The following PTPRN2 variants were observed in gnomAD, a reference collection of about 807,000 sequenced individuals.
The protein encoded by PTPRN2 is protein tyrosine phosphatase receptor type N2.
In PTPRN2, 74 loss-of-function variants were observed where a neutral mutation model predicts 118.8. The observed-to-expected ratio is 0.62, with a 90% confidence interval of 0.52 to 0.76. The LOEUF (loss-of-function observed/expected upper bound fraction) is 0.76, where lower values mean the gene tolerates loss of function less well. Among genes scored for constraint, PTPRN2 ranks in the 30% least tolerant of loss-of-function variants. The pLI is 0.00. For missense variants in PTPRN2, 1,481 were observed against 1,394.4 expected, an observed-to-expected ratio of 1.06 and a Z score of -0.99; for synonymous variants, 641 against 608.0, an observed-to-expected ratio of 1.05 and a Z score of -0.80.
chr7:158,171,292 C>CATATAT (rs1296901676), intron 5 of PTPRN2, among the ~76,000 whole-genome samples: 1 of 74,902 alleles, frequency 1.3e-5, no homozygotes, highest in Non-Finnish European at 2.4e-5. Flanking sequence ...TATATATACA[C>CATATAT]ACATATATAT....
chr7:158,408,863 C>T (rs1168129707), intron 2 of PTPRN2, among the ~76,000 whole-genome samples: 1 of 151,430 alleles, frequency 6.6e-6, no homozygotes, highest in Non-Finnish European at 1.5e-5. Flanking sequence ...AACATTGACA[C>T]GACTCACCCC....
chr7:158,085,330 G>A (rs1485615624), intron 10 of PTPRN2, among the ~76,000 whole-genome samples: 4 of 84,340 alleles, frequency 4.7e-5, no homozygotes, highest in Admixed American at 2.8e-4. Context: ...ATTCACACAT[G>A]CCCATCCACA....
chr7:158,319,981 ACACAGCCTCCCTCACACACACT>A (rs1434684837), intron 2 of PTPRN2, among the ~76,000 whole-genome samples: 2 of 92,678 alleles, frequency 2.2e-5, no homozygotes, highest in Non-Finnish European at 4.5e-5. Context: ...CCTCACACAC[ACACAGCCTCCCTCACACACACT>A]CACACAGCCT....
intron 5 of PTPRN2, among the ~76,000 whole-genome samples, chr7:158,175,234 C>A (rs555463644): frequency 1.3e-5 from 2 of 152,232 alleles, no homozygotes; most frequent in African/African-American, 2.4e-5. Context: ...TTGATCACGG[C>A]GTGCTTGCTG....
intron 11 of PTPRN2, among the ~76,000 whole-genome samples, chr7:158,056,100 A>C (rs1317806965): frequency 6.6e-6 from 1 of 152,114 alleles, no homozygotes; most frequent in Non-Finnish European, 1.5e-5. Flanking sequence ...CTCTGCTCTA[A>C]TGCAGACCTT....
intron 11 of PTPRN2, among the ~76,000 whole-genome samples, chr7:158,075,635 C>G (rs1049667403): frequency 1.3e-5 from 2 of 152,230 alleles, no homozygotes; most frequent in Non-Finnish European, 2.9e-5. Context: ...AGAGGCTCCT[C>G]TTTTTAGTTA....
intron 4 of PTPRN2, among the ~76,000 whole-genome samples, chr7:158,194,929 T>G (rs1322983944): frequency 6.6e-6 from 1 of 152,252 alleles, no homozygotes; most frequent in Non-Finnish European, 1.5e-5. Context: ...ACATGAATTC[T>G]GTTGACAGCT....
chr7:157,707,391 C>A (rs547705824), intron 12 of PTPRN2, among the ~76,000 whole-genome samples: 6 of 152,182 alleles, frequency 3.9e-5, no homozygotes, highest in South Asian at 2.1e-4. Context: ...ACACCCCCCC[C>A]ACACACGTGG....
intron 3 of PTPRN2, among the ~76,000 whole-genome samples, chr7:158,290,304 T>C (rs1435676692): frequency 6.6e-6 from 1 of 152,010 alleles, no homozygotes; most frequent in East Asian, 1.9e-4. Context: ...GGAGCCCAGG[T>C]CAGTGAGGGC....
rs1802576762 is a variant in PTPRN2, at chr7:157,974,400, T to C, written c.1724-75663A>G. Among the ~76,000 whole-genome samples, 1 of 152,194 alleles carries C rather than the reference T, an allele frequency of 6.6e-6. No homozygotes were observed. On this transcript the variant is annotated intron_variant, in intron 11 of 22. Transcript: ENST00000389418. The surrounding 1 kb of genome is among the most constrained non-coding windows in gnomAD (Gnocchi z 4.0). ...CCTTCCACCTGCCCTTGATTCCCTGTGGCACCTTGGGAGCATGGGGCTGCC... is the reference window on the plus strand; with the variant it reads ...CCTTCCACCTGCCCTTGATTCCCTGCGGCACCTTGGGAGCATGGGGCTGCC...
intron 3 of PTPRN2, among the ~76,000 whole-genome samples, chr7:158,255,031 C>T (rs987115837): frequency 6.6e-6 from 1 of 152,202 alleles, no homozygotes; most frequent in African/African-American, 2.4e-5. Context: ...GACATCCCTT[C>T]CCTGCTCACC....
chr7:157,622,688 C>A lies in PTPRN2; in HGVS notation c.2197-1179G>T, dbSNP rs565387278. Among the ~76,000 whole-genome samples, 4 of 152,292 alleles carry A rather than the reference C, an allele frequency of 2.6e-5. No individual in the cohort carries two copies. Among genetic ancestry groups the A allele is most frequent in the Non-Finnish European group, 5.9e-5 (4 of 68,020 alleles). ...GCATCGGGCACCTGTGCTGTTTGCGCGACACCCCCGCATCTGGGTGGGTGT... is the reference window on the plus strand; with the variant it reads ...GCATCGGGCACCTGTGCTGTTTGCGAGACACCCCCGCATCTGGGTGGGTGT... On this transcript the variant is annotated intron_variant, in intron 14 of 22. Transcript: ENST00000389418. This position sits in a 1 kb window ranked among gnomAD's most constrained non-coding sequence, Gnocchi z 5.3.
rs111410575 is a variant in PTPRN2 at position 157,838,052 on chromosome 7, C to A, written c.1788+60621G>T. Among the ~76,000 whole-genome samples the A allele has an allele frequency of 4.7e-3, 705 of 150,744 alleles. 3 individuals are homozygous for A. Among genetic ancestry groups the A allele is most frequent in the Middle Eastern group, 0.026 (7 of 272 alleles). ...GGGAGAAAGCTCCTCTCCGCCGTGC[C>A]TACTCCAGTTCCTCTCATAGTGGAT... On this transcript the variant is annotated intron_variant, in intron 12 of 22. Transcript: ENST00000389418.
Position 157,727,175 on chromosome 7 carries a change from A to G in PTPRN2, c.1789-44238T>C, listed in dbSNP as rs1585317683. On this transcript the variant is annotated intron_variant, in intron 12 of 22. Transcript: ENST00000389418. Reference sequence around the variant, plus strand: ...AGCAGGGTCTTGAAGAGGTATTTGCACGCCAGGTTCACAGCAACTTTATGA... The same window carrying G: ...AGCAGGGTCTTGAAGAGGTATTTGCGCGCCAGGTTCACAGCAACTTTATGA... Among the ~76,000 whole-genome samples the G allele has an allele frequency of 1.3e-5, 2 of 152,302 alleles. 1 individual carries two copies. The highest frequency in any genetic ancestry group is 4.1e-4 in the South Asian group (2 of 4,824).
At chr7:157,700,582 C>T (rs1798014880) in intron 12 of PTPRN2, among the ~76,000 whole-genome samples, 1 of 152,182 alleles carries the variant, frequency 6.6e-6, no homozygotes, top group Non-Finnish European at 1.5e-5. Context: ...GGCGGCTGGC[C>T]TCCTGCAGTC....
Position 158,544,040 on chromosome 7 carries a change from C to T in PTPRN2, c.112+43518G>A, listed in dbSNP as rs1431368124. Among the ~76,000 whole-genome samples the T allele has an allele frequency of 1.3e-5, 2 of 152,212 alleles. No individual in the cohort carries two copies. The highest frequency in any genetic ancestry group is 3.9e-4 in the East Asian group (2 of 5,184). The stretch of plus-strand genomic sequence containing the variant: ...CTCCTCTGGGCTCTGCCCCTCTGCA[C>T]GGCACCAGAGTTGTGCAAGGAAGCA... On this transcript the variant is annotated intron_variant, in intron 1 of 22. Transcript: ENST00000389418. The surrounding 1 kb of genome is among the most constrained non-coding windows in gnomAD (Gnocchi z 4.2).
At chr7:157,978,725 A>G (rs1802925255) in intron 11 of PTPRN2, among the ~76,000 whole-genome samples, 1 of 151,886 alleles carries the variant, frequency 6.6e-6, no homozygotes, top group Admixed American at 6.6e-5. Flanking sequence ...TCCCTCTGGG[A>G]CTGCACACTT....
At position 157,985,994 on chromosome 7, in the gene PTPRN2, C is replaced by T. The variant is rs796620038; in HGVS notation, c.1724-87257G>A. 2.6e-5 allele frequency among the ~76,000 whole-genome samples: 4 copies of T among 152,210 alleles called. No individual in the cohort carries two copies. The South Asian group carries it at 8.3e-4, about 32-fold the overall frequency. On this transcript the variant is annotated intron_variant, in intron 11 of 22. Transcript: ENST00000389418. ...CCAAGATGCCACCGCATGTGAAATG[C>T]TTGGGGTTGAAATGTAACGAATCTC...
At chr7:157,828,126 G>A (rs879613920) in intron 12 of PTPRN2, among the ~76,000 whole-genome samples, 2 of 152,292 alleles carry the variant, frequency 1.3e-5, no homozygotes, top group Non-Finnish European at 1.5e-5. Context: ...GATGGAGCTG[G>A]GACCAGCCTC....
Sources: gnomAD v4.1 joint callset for allele counts (sites outside exome capture counted in the v4.1 genomes callset) on GRCh38, gnomAD v4.1.1 for gene constraint, Gnocchi (gnomAD v3.1) non-coding constraint, MANE v1.5 for transcripts, NCBI Gene and HGNC (gene_info 2026-07-23, HGNC 2026-07-21) for gene names.